Variants in CSMD1 observed in about 807,000 individuals in gnomAD.
CSMD1 encodes the protein CUB and Sushi multiple domains 1, also known as CUB and sushi domain-containing protein 1.
A neutral mutation model predicts 417.5 loss-of-function variants in CSMD1; 213 were observed. That is an observed-to-expected ratio of 0.51 (90% CI 0.46 to 0.57). CSMD1 has a LOEUF of 0.57. Among genes scored for constraint, CSMD1 ranks in the 20% least tolerant of loss-of-function variants. The probability of loss-of-function intolerance (pLI) is 0.00; values close to 1 mark genes in which losing one functional copy is unlikely to be tolerated. For missense variants in CSMD1, 6,923 were observed against 4,529.7 expected (o/e 1.53, Z -15.17); for synonymous variants, 2,862 against 1,736.8 (o/e 1.65, Z -16.11).
chr8:4,390,107 T>C (rs1010834568), intron 3 of CSMD1, among the ~76,000 whole-genome samples: 2 of 152,218 alleles, frequency 1.3e-5, no homozygotes, highest in African/African-American at 2.4e-5. Context: ...CATTTGGTAT[T>C]CCATAATTTT....
Position 2,957,776 on chromosome 8 carries a change from T to C in CSMD1, c.9734A>G (p.Lys3245Arg), listed in dbSNP as rs1217596968. Reference sequence around the variant, plus strand: ...CGTGGAACCTTGAATATGGTAGCCTTTTCTGCACCTGAAAAAAACCGTGCT... The same window carrying C: ...CGTGGAACCTTGAATATGGTAGCCTCTTCTGCACCTGAAAAAAACCGTGCT... Reference protein sequence around the residue: ...VGSTVFFRCRKGYHIQGSTTR... With the variant: ...VGSTVFFRCRRGYHIQGSTTR... The change falls in exon 63 of 70, where the codon AAA (lysine) becomes AGA (arginine). Residue 3245 changes from lysine (K) to arginine (R), a missense_variant. Physicochemically the swap from Lys to Arg is conservative, Grantham distance 26. Transcript: ENST00000635120. 1.3e-6 allele frequency: 2 copies of C among 1,592,636 alleles called. No individual in the cohort carries two copies. Among genetic ancestry groups the C allele is most frequent in the African/African-American group, 1.3e-5 (1 of 74,776 alleles).
rs115266338 is a variant in CSMD1 at position 4,810,712 on chromosome 8, A to G, written c.86-173154T>C. 6.7e-3 allele frequency among the ~76,000 whole-genome samples: 1,021 copies of G among 152,360 alleles called. 14 individuals are homozygous for G. The highest frequency in any genetic ancestry group is 0.023 in the African/African-American group (944 of 41,590). On this transcript the variant is annotated intron_variant, in intron 1 of 69. Coordinates refer to ENST00000635120, the MANE Select transcript of CSMD1 (RefSeq NM_033225.6). ...ATGTCAATGAGATTCCGTCATCTGG[A>G]AATTTTCATAATTCATATGTAACAA...
intron 3 of CSMD1, among the ~76,000 whole-genome samples, chr8:4,316,253 T>G (rs972209796): frequency 6.6e-6 from 1 of 152,174 alleles, no homozygotes; most frequent in Non-Finnish European, 1.5e-5. Flanking sequence ...TAGTGATTTT[T>G]CATCCTCGAA....
At chr8:3,097,346 T>C (rs542002958) in intron 46 of CSMD1, among the ~76,000 whole-genome samples, 23 of 152,248 alleles carry the variant, frequency 1.5e-4, no homozygotes, top group Non-Finnish European at 2.5e-4. Flanking sequence ...ATTTCCTAAC[T>C]CTACTACAAA....
intron 37 of CSMD1, among the ~76,000 whole-genome samples, chr8:3,174,618 C>T (rs760291499): frequency 6.6e-6 from 1 of 152,192 alleles, no homozygotes; most frequent in Non-Finnish European, 1.5e-5. Context: ...GAGCTTATCT[C>T]TCTTAATTAC....
At chr8:3,845,264 T>G (rs1264661050) in intron 5 of CSMD1, among the ~76,000 whole-genome samples, 2 of 152,212 alleles carry the variant, frequency 1.3e-5, no homozygotes, top group African/African-American at 4.8e-5. Flanking sequence ...TGATTTGTCC[T>G]TGTGCAAATA....
At chr8:4,634,541 C>G (rs1802714631) in intron 2 of CSMD1, among the ~76,000 whole-genome samples, 1 of 152,194 alleles carries the variant, frequency 6.6e-6, no homozygotes, top group Non-Finnish European at 1.5e-5. Context: ...ACCAAGACAG[C>G]TCTAAGCAAT....
chr8:3,703,794 G>A (rs1488311951), intron 7 of CSMD1, among the ~76,000 whole-genome samples: 2 of 152,096 alleles, frequency 1.3e-5, no homozygotes, highest in African/African-American at 4.8e-5. Context: ...CTCTCAGCTG[G>A]GCATGGTGGC....
chr8:4,811,069 G>T (rs572582161), intron 1 of CSMD1, among the ~76,000 whole-genome samples: 3 of 152,116 alleles, frequency 2.0e-5, no homozygotes, highest in Non-Finnish European at 4.4e-5. Context: ...AAAGTAATTC[G>T]ACCCTGTTAG....
chr8:4,444,789 T>C (rs765753983), intron 2 of CSMD1, among the ~76,000 whole-genome samples: 16 of 152,186 alleles, frequency 1.1e-4, no homozygotes, highest in Non-Finnish European at 2.2e-4. Context: ...AAGAACATAT[T>C]ATTCCAGATA....
chr8:4,351,571 G>A (rs1441796097), intron 3 of CSMD1, among the ~76,000 whole-genome samples: 1 of 152,220 alleles, frequency 6.6e-6, no homozygotes, highest in Non-Finnish European at 1.5e-5. Context: ...GCTTTAAAAT[G>A]CATGTTTTAT....
intron 26 of CSMD1, among the ~76,000 whole-genome samples, chr8:3,253,591 T>C (rs576986631): frequency 1.3e-5 from 2 of 152,324 alleles, no homozygotes; most frequent in South Asian, 4.1e-4. Context: ...CCTTTTTAAC[T>C]TCCTGTCTCA....
intron 3 of CSMD1, among the ~76,000 whole-genome samples, chr8:4,276,943 T>A (rs1796519478): frequency 6.6e-6 from 1 of 152,150 alleles, no homozygotes; most frequent in Non-Finnish European, 1.5e-5. Context: ...CCTGTGTATG[T>A]TTTCGTATAC....
intron 2 of CSMD1, among the ~76,000 whole-genome samples, chr8:4,553,726 A>T (rs1291481806): frequency 6.6e-6 from 1 of 152,204 alleles, no homozygotes; most frequent in South Asian, 2.1e-4. Flanking sequence ...GCCTCATGGC[A>T]ATGCTATTAG....
intron 26 of CSMD1, among the ~76,000 whole-genome samples, chr8:3,233,906 G>A (rs980393354): frequency 2.0e-5 from 3 of 152,088 alleles, no homozygotes; most frequent in African/African-American, 7.2e-5. Context: ...TGGATCCCAG[G>A]GATGGTAGAA....
chr8:4,534,426 C>A (rs1411199805), intron 2 of CSMD1, among the ~76,000 whole-genome samples: 1 of 152,162 alleles, frequency 6.6e-6, no homozygotes, highest in Non-Finnish European at 1.5e-5. Context: ...TACTCTCTTG[C>A]CAGAGTATTT....
At chr8:4,197,227 T>G (rs368250042) in intron 3 of CSMD1, among the ~76,000 whole-genome samples, 1 of 152,152 alleles carries the variant, frequency 6.6e-6, no homozygotes, top group African/African-American at 2.4e-5. Context: ...GAATTCTGAG[T>G]TATTCACAGA....
At chr8:4,313,689 C>G (rs1292239709) in intron 3 of CSMD1, among the ~76,000 whole-genome samples, 2 of 151,968 alleles carry the variant, frequency 1.3e-5, no homozygotes, top group East Asian at 3.9e-4. Context: ...CTGAAAGTTT[C>G]AGACATTTAC....
intron 1 of CSMD1, among the ~76,000 whole-genome samples, chr8:4,910,541 C>A (rs1307581959): frequency 6.6e-6 from 1 of 152,172 alleles, no homozygotes; most frequent in Non-Finnish European, 1.5e-5. Context: ...CAAGGAATCT[C>A]TGAAGCTTTT....
Sources: gnomAD v4.1 joint callset for allele counts (sites outside exome capture counted in the v4.1 genomes callset) on GRCh38, gnomAD v4.1.1 for gene constraint, MANE v1.5 for transcripts, NCBI Gene and HGNC (gene_info 2026-07-23, HGNC 2026-07-21) for gene names.